The following NEURL1 variants were observed in gnomAD, a reference collection of about 807,000 sequenced individuals.
NEURL1 encodes the protein E3 ubiquitin-protein ligase NEURL1.
NEURL1 carries 26 observed loss-of-function variants against 41.2 expected under a neutral mutation model. The observed-to-expected ratio is 0.63, with a 90% CI of 0.46 to 0.87. The LOEUF (loss-of-function observed/expected upper bound fraction) is 0.87. NEURL1 is among the 40% of genes least tolerant of loss of function. The pLI is 0.00. For missense variants in NEURL1, 761 were observed against 871.1 expected, an observed-to-expected ratio of 0.87 and a Z score of 1.59; for synonymous variants, 400 against 402.3, an observed-to-expected ratio of 0.99 and a Z score of 0.07.
At chr10:103,584,061 CTG>C (rs1460927030) in intron 3 of NEURL1, among the ~76,000 whole-genome samples, 1 of 152,056 alleles carries the variant, frequency 6.6e-6, no homozygotes, top group African/African-American at 2.4e-5. Flanking sequence ...AAGAGGGTGT[CTG>C]TGTGTTTGCT....
intron 1 of NEURL1, among the ~76,000 whole-genome samples, chr10:103,553,365 C>T (rs576844685): frequency 3.2e-4 from 48 of 152,292 alleles, no homozygotes; most frequent in South Asian, 1.5e-3. Context: ...CTTAGCTTCC[C>T]GCCCCCATGG....
At chr10:103,574,651 A>G (rs1312853833) in intron 3 of NEURL1, among the ~76,000 whole-genome samples, 2 of 152,240 alleles carry the variant, frequency 1.3e-5, no homozygotes, top group Admixed American at 6.5e-5. Flanking sequence ...GCCCTGGCAC[A>G]TGGGAATGAA....
intron 1 of NEURL1, among the ~76,000 whole-genome samples, chr10:103,507,260 T>C (rs1236088187): frequency 1.3e-5 from 2 of 152,174 alleles, no homozygotes; most frequent in Non-Finnish European, 2.9e-5. Context: ...GTGATGCAGA[T>C]GCTCCTCTGC....
At chr10:103,500,570 C>T (rs1410632642) in intron 1 of NEURL1, among the ~76,000 whole-genome samples, 1 of 152,110 alleles carries the variant, frequency 6.6e-6, no homozygotes, top group Non-Finnish European at 1.5e-5. Context: ...GCCCCAGGGC[C>T]GGGAAAGGGC....
At chr10:103,551,636 T>C (rs2133867938) in intron 1 of NEURL1, among the ~76,000 whole-genome samples, 1 of 152,252 alleles carries the variant, frequency 6.6e-6, no homozygotes, top group South Asian at 2.1e-4. Context: ...CCCCAGTGAA[T>C]AAAACAGAGA....
At chr10:103,588,598 T>C (rs2035971406) in intron 4 of NEURL1, 1 of 338,924 alleles carries the variant, frequency 3.0e-6, no homozygotes, top group Non-Finnish European at 5.9e-6. Context: ...TTGGTAAGGA[T>C]TTGTTGAAGG....
At chr10:103,577,402 C>A (rs187975015) in intron 3 of NEURL1, among the ~76,000 whole-genome samples, 80 of 152,274 alleles carry the variant, frequency 5.3e-4, no homozygotes, top group Admixed American at 9.8e-4. Flanking sequence ...TTTAAAGATC[C>A]AGCATATATC....
At chr10:103,584,242 A>C (rs3781366) in intron 3 of NEURL1, among the ~76,000 whole-genome samples, 114,074 of 152,152 alleles carry the variant, frequency 0.75, 43,047 homozygotes, top group South Asian at 0.86. Flanking sequence ...GAGGAATACA[A>C]GTTTACTGTA....
intron 1 of NEURL1, among the ~76,000 whole-genome samples, chr10:103,520,032 C>A (rs951366338): frequency 1.3e-5 from 2 of 152,134 alleles, no homozygotes; most frequent in African/African-American, 4.8e-5. Flanking sequence ...AATCCTCCTG[C>A]TTCAGCCTCC....
At chr10:103,557,186 T>C (rs374274691) in intron 1 of NEURL1, among the ~76,000 whole-genome samples, 4 of 152,176 alleles carry the variant, frequency 2.6e-5, no homozygotes, top group African/African-American at 4.8e-5. Flanking sequence ...CCAGACACCT[T>C]GGAGGCTGAG....
intron 1 of NEURL1, among the ~76,000 whole-genome samples, chr10:103,497,543 C>T (rs1450773558): frequency 4.6e-5 from 7 of 152,106 alleles, no homozygotes; most frequent in Non-Finnish European, 2.9e-5. Flanking sequence ...TAAGATTGGT[C>T]TGGCTGTTAG....
At chr10:103,501,984 T>C (rs1311791152) in intron 1 of NEURL1, among the ~76,000 whole-genome samples, 1 of 149,950 alleles carries the variant, frequency 6.7e-6, no homozygotes, top group Non-Finnish European at 1.5e-5. Context: ...CCAGGCTAGA[T>C]TCAAACTCCC....
intron 1 of NEURL1, among the ~76,000 whole-genome samples, chr10:103,510,776 T>A (rs2034051532): frequency 6.6e-6 from 1 of 152,186 alleles, no homozygotes; most frequent in Non-Finnish European, 1.5e-5. Flanking sequence ...ATGTGGATCC[T>A]TCTCTTGGAG....
rs1228956232 is a variant in NEURL1, at chr10:103,584,998, C to T, written c.1112C>T (p.Pro371Leu). Residue 371 changes from proline (P) to leucine (L), a missense_variant, in exon 4 of 6, where the codon CCT becomes CTT. By Grantham distance (98) the Pro-to-Leu change is moderately conservative. Around this residue, in one of 5 missense-constraint regions of NEURL1, gnomAD observed 443 missense variants for 408.1 expected, o/e 1.09. Coordinates refer to ENST00000369780, the MANE Select transcript of NEURL1 (RefSeq NM_004210.5). ...GGCACGCTGCGGCCGGCCGACCTGC[C>T]TTTCAGCCCTGAGGCCCTGGTGGAC... ...DPGTLRPADLPFSPEALVDRK... is the reference protein window; with the variant it reads ...DPGTLRPADLLFSPEALVDRK... The T allele has an allele frequency of 5.1e-6, 8 of 1,559,850 alleles. No homozygotes were observed. The highest frequency in any genetic ancestry group is 6.9e-6 in the Non-Finnish European group (8 of 1,162,324).
intron 1 of NEURL1, among the ~76,000 whole-genome samples, chr10:103,562,740 G>A (rs946199042): frequency 1.3e-5 from 2 of 152,166 alleles, no homozygotes; most frequent in African/African-American, 4.8e-5. Flanking sequence ...ACCTAGTCTG[G>A]GGGTCAGAGA....
chr10:103,527,486 G>T (rs1262553642), intron 1 of NEURL1, among the ~76,000 whole-genome samples: 1 of 151,804 alleles, frequency 6.6e-6, no homozygotes, highest in Non-Finnish European at 1.5e-5. Flanking sequence ...GCAGAGATGG[G>T]GTTTCACCAT....
chr10:103,535,151 G>C (rs1175408112), intron 1 of NEURL1, among the ~76,000 whole-genome samples: 1 of 152,154 alleles, frequency 6.6e-6, no homozygotes, highest in Admixed American at 6.5e-5. Context: ...GTGATGCCAG[G>C]TGCAGCAGCA....
At position 103,584,844 on chromosome 10, in the gene NEURL1, C is replaced by A; in HGVS notation, c.958C>A (p.Arg320Ser). The A allele has an allele frequency of 1.4e-6, 2 of 1,407,958 alleles. No homozygotes were observed. Among genetic ancestry groups the A allele is most frequent in the Non-Finnish European group, 9.2e-7 (1 of 1,090,514 alleles). 87.2% of individuals were successfully genotyped at this position (1,407,958 alleles called of 1,614,324 possible). A position where few individuals can be genotyped will look rare whatever the true frequency, so the allele number is the denominator to read the frequency against. The change falls in exon 4 of 6, where the codon CGC (arginine) becomes AGC (serine). Residue 320 changes from arginine to serine, a missense_variant. This residue lies in a region of NEURL1 where 443 missense variants were observed against 408.1 expected (regional missense o/e 1.09). Coordinates refer to ENST00000369780, the MANE Select transcript of NEURL1 (RefSeq NM_004210.5). ...GACGGTGGCGCGCGTGGAGCACGGG[C>A]GCGACGAGCGCGCGCTCGTCTTCAC... ...EQTVARVEHG[R>S]DERALVFTSR...
chr10:103,561,489 C>T (rs2035291607), intron 1 of NEURL1, among the ~76,000 whole-genome samples: 1 of 152,194 alleles, frequency 6.6e-6, no homozygotes, highest in Non-Finnish European at 1.5e-5. Flanking sequence ...GTCTCGATCT[C>T]CTGACCTCAG....
Sources: gnomAD v4.1 joint callset for allele counts (sites outside exome capture counted in the v4.1 genomes callset) on GRCh38, gnomAD v4.1.1 for gene constraint, gnomAD v4.1.1 regional missense constraint, MANE v1.5 for transcripts, NCBI Gene and HGNC (gene_info 2026-07-23, HGNC 2026-07-21) for gene names.